Variants in DHX16 observed in about 807,000 individuals in gnomAD.
The protein encoded by DHX16 is DEAH-box helicase 16.
In DHX16, 81 loss-of-function variants were observed where a neutral mutation model predicts 131.2. That is an observed-to-expected ratio of 0.62 (90% CI 0.52 to 0.74). The LOEUF (loss-of-function observed/expected upper bound fraction) is 0.74, where lower values mean the gene tolerates loss of function less well. Among genes scored for constraint, DHX16 ranks in the 30% least tolerant of loss-of-function variants. The pLI is 0.00. For synonymous variants in DHX16, 440 were observed against 520.2 expected, an observed-to-expected ratio of 0.85 and a Z score of 2.10; for missense variants, 980 against 1,363.1, an observed-to-expected ratio of 0.72 and a Z score of 4.43.
chr6:30,654,625 T>C, intron 19 of DHX16, 81 bp downstream of exon 19: 1 of 1,397,258 alleles, frequency 7.2e-7, no homozygotes, highest in Non-Finnish European at 9.7e-7. Flanking sequence ...TCCCAGCAAC[T>C]TGAACCTGGG....
chr6:30,672,716 C>T lies in DHX16; in HGVS notation c.126G>A (p.Glu42=), dbSNP rs1288547249. 3 of 1,613,052 alleles carry T rather than the reference C, an allele frequency of 1.9e-6. No homozygotes were observed. Among genetic ancestry groups the T allele is most frequent in the Non-Finnish European group, 2.5e-6 (3 of 1,179,992 alleles). The part of the protein sequence containing the change: ...GTAQRCTSAE[E]FVQRLRDTDT... ...CAGTGTCTCGTAGGCGCTGCACGAA[C>T]TCCTCGGCAGAGGTGCAGCGCTGTG... Residue 42 remains glutamate (E), a synonymous_variant, in exon 1 of 20, where the codon GAG becomes GAA. Transcript: ENST00000376442.
Position 30,654,816 on chromosome 6 carries a change from T to C in DHX16, c.2887A>G (p.Lys963Glu). ...TGAATGAAGACTGTCTGCTGCTGTT[T>C]CACTGTGCGGTAGCCACTCCGAGTC... ...RLTRSGYRTV[K>E]QQQTVFIHPN... is the part of the protein sequence containing the mutation. The change falls in exon 19 of 20, where the codon AAA becomes GAA. Residue 963 changes from lysine to glutamate, a missense_variant. By Grantham distance (56) the Lys-to-Glu change is moderately conservative. This residue lies in a region of DHX16 where 214 missense variants were observed against 271.2 expected (regional missense o/e 0.79). Coordinates refer to ENST00000376442, the MANE Select transcript of DHX16 (RefSeq NM_003587.5). The C allele has an allele frequency of 6.2e-7, 1 of 1,613,012 alleles. No homozygotes were observed. The highest frequency in any genetic ancestry group is 1.1e-5 in the South Asian group (1 of 91,082).
intron 1 of DHX16, 98 bp downstream of exon 1, chr6:30,672,537 T>C: frequency 1.8e-6 from 2 of 1,125,622 alleles, no homozygotes; most frequent in South Asian, 2.9e-5. Context: ...GGACAAAGAA[T>C]AAGTGCTTGT....
chr6:30,669,142 G>A (rs898870398), intron 4 of DHX16, among the ~76,000 whole-genome samples: 4 of 151,732 alleles, frequency 2.6e-5, no homozygotes, highest in Non-Finnish European at 2.9e-5. Flanking sequence ...AAGTAAAAAC[G>A]GCCAGGCGTA....
intron 1 of DHX16, 52 bp from the exon 2 acceptor site, chr6:30,671,326 C>A (rs1393064418): frequency 1.3e-6 from 2 of 1,522,420 alleles, no homozygotes; most frequent in South Asian, 2.3e-5. Flanking sequence ...GATCTCTGCC[C>A]TCCCACTTAG....
chr6:30,655,580 T>A lies in DHX16; in HGVS notation c.2516A>T (p.Glu839Val). 6.2e-7 allele frequency: 1 copy of A among 1,613,046 alleles called. No individual in the cohort carries two copies. Among genetic ancestry groups the A allele is most frequent in the Non-Finnish European group, 8.5e-7 (1 of 1,180,028 alleles). Residue 839 changes from glutamate (E) to valine (V), a missense_variant, in exon 17 of 20, where the codon GAG becomes GTG. Transcript: ENST00000376442. ...LASEKYSCSE[E>V]ILTVAAMLSV... ...GAGCATGGCAGCCACTGTCAGGATC[T>A]CCTCTGAACAGCTGTACCTGGGACA...
At chr6:30,672,081 A>G (rs1179070086) in intron 1 of DHX16, among the ~76,000 whole-genome samples, 1 of 151,500 alleles carries the variant, frequency 6.6e-6, no homozygotes, top group Non-Finnish European at 1.5e-5. Flanking sequence ...GGGGGCTGAG[A>G]GAGGATTGCT....
intron 7 of DHX16, among the ~76,000 whole-genome samples, chr6:30,663,648 G>C (rs917438986): frequency 6.7e-6 from 1 of 150,292 alleles, no homozygotes; most frequent in Admixed American, 6.7e-5. Context: ...TTGAACCTGG[G>C]AGACAGAGGT....
In DHX16 at chr6:30,655,175, C is replaced by T; in HGVS notation, c.2823G>A (p.Lys941=). The T allele has an allele frequency of 1.1e-5, 17 of 1,614,146 alleles. No homozygotes were observed. The highest frequency in any genetic ancestry group is 1.4e-5 in the Non-Finnish European group (16 of 1,180,034). Residue 941 remains lysine (K), a splice_region_variant and synonymous_variant, in exon 18 of 20, where the codon AAG becomes AAA. Coordinates refer to ENST00000376442, the MANE Select transcript of DHX16 (RefSeq NM_003587.5). ...AGCAGGAGGCTGAAGAAATGCTGAC[C>T]TTGCGTACACGGATATAGTCCCCCT... ...SCQGDYIRVR[K]AITAGYFYHT...
In DHX16 at chr6:30,657,188, G is replaced by A. The variant is rs1446989107; in HGVS notation, c.2008-96C>T. ...AGTTAGGAGTAGTGAAGCAGTTGCA[G>A]TAAGGGGCAGGAGCTGAGGGAATTA... On this transcript the variant is annotated intron_variant, in intron 12 of 19. Coordinates refer to ENST00000376442, the MANE Select transcript of DHX16 (RefSeq NM_003587.5). 3 of 1,296,024 alleles carry A rather than the reference G, an allele frequency of 2.3e-6. No individual in the cohort carries two copies. In the East Asian group the frequency reaches 7.3e-5, roughly 31 times the overall value. The allele number at this position is 1,296,024 out of a possible 1,614,324, so 80.3% of individuals were successfully genotyped here. A position where few individuals can be genotyped will look rare whatever the true frequency, so the allele number is the denominator to read the frequency against.
chr6:30,671,064 C>A lies in DHX16; in HGVS notation c.418G>T (p.Ala140Ser). Residue 140 changes from alanine (A) to serine (S), a missense_variant, in exon 2 of 20, where the codon GCT (alanine) becomes TCT (serine). Ala to Ser is a moderately conservative substitution (Grantham distance 99). Coordinates refer to ENST00000376442, the MANE Select transcript of DHX16 (RefSeq NM_003587.5). Reference sequence around the variant, plus strand: ...GTTTTCTTCTTCCCTTTCTCAGAAGCCTCTTCCTCCTCTTCTTCCTCACGC... The same window carrying A: ...GTTTTCTTCTTCCCTTTCTCAGAAGACTCTTCCTCCTCTTCTTCCTCACGC... ...KKREEEEEEE[A>S]SEKGKKKTGG... The A allele has an allele frequency of 6.2e-7, 1 of 1,613,088 alleles. No homozygotes were observed. Among genetic ancestry groups the A allele is most frequent in the Non-Finnish European group, 8.5e-7 (1 of 1,180,034 alleles).
intron 12 of DHX16, among the ~76,000 whole-genome samples, chr6:30,657,668 A>G (rs1053117497): frequency 2.6e-5 from 4 of 152,026 alleles, no homozygotes; most frequent in Non-Finnish European, 4.4e-5. Flanking sequence ...GCTCTGCCCA[A>G]GTAAGTGCAC....
At position 30,655,527 on chromosome 6, in the gene DHX16, G is replaced by C; in HGVS notation, c.2569C>G (p.Pro857Ala). 6.2e-7 allele frequency: 1 copy of C among 1,613,104 alleles called. No homozygotes were observed. The highest frequency in any genetic ancestry group is 8.5e-7 in the Non-Finnish European group (1 of 1,180,038). The change falls in exon 17 of 20, where the codon CCA becomes GCA. Residue 857 changes from proline (P) to alanine (A), a missense_variant. Around this residue, in one of 3 missense-constraint regions of DHX16, gnomAD observed 214 missense variants for 271.2 expected, o/e 0.79. Transcript: ENST00000376442. ...LSVNNSIFYR[P>A]KDKVVHADNA... ...TCAGCATGGACGACCTTGTCCTTTG[G>C]TCGGTAGAAGATGGAGTTGTTGACA... is the stretch of plus-strand genomic sequence containing the variant.
chr6:30,654,460 G>C (rs1052285310), intron 19 of DHX16, among the ~76,000 whole-genome samples: 3 of 152,026 alleles, frequency 2.0e-5, no homozygotes, highest in Non-Finnish European at 4.4e-5. Flanking sequence ...TGAGGCATGA[G>C]AATCTCTTGA....
intron 1 of DHX16, among the ~76,000 whole-genome samples, 159 bp from the exon 2 acceptor site, chr6:30,671,433 C>G (rs989359620): frequency 3.3e-5 from 5 of 152,180 alleles, no homozygotes; most frequent in Admixed American, 2.6e-4. Flanking sequence ...CTTCAACCTC[C>G]GCCTCCCAGG....
rs770399857 is a variant in DHX16 at position 30,665,701 on chromosome 6, C to T, written c.699G>A (p.Glu233=). The T allele has an allele frequency of 1.9e-6, 3 of 1,611,530 alleles. No individual in the cohort carries two copies. The East Asian group carries it at 6.7e-5, about 36-fold the overall frequency. Residue 233 remains glutamate (E), a synonymous_variant, in exon 5 of 20, where the codon GAG becomes GAA. Coordinates refer to ENST00000376442, the MANE Select transcript of DHX16 (RefSeq NM_003587.5). The surrounding 1 kb of genome is among the most constrained non-coding windows in gnomAD (Gnocchi z 4.8). The stretch of plus-strand genomic sequence containing the variant: ...TCTCTCGCTCCCGCTTAGCCAGGTA[C>T]TCTCGGCGAGATTTCTTCCGCAGCT... ...VPELRKKSRR[E]YLAKREREKL...
In DHX16 at chr6:30,655,195, C is replaced by G. The variant is rs1369462385; in HGVS notation, c.2803G>C (p.Asp935His). The G allele has an allele frequency of 6.2e-7, 1 of 1,614,110 alleles. No homozygotes were observed. Among genetic ancestry groups the G allele is most frequent in the Non-Finnish European group, 8.5e-7 (1 of 1,180,024 alleles). ...CTGACCTTGCGTACACGGATATAGT[C>G]CCCCTGGCAGGAACTGAGACCAACT... ...VEVGLSSCQGDYIRVRKAITA... is the reference protein window; with the variant it reads ...VEVGLSSCQGHYIRVRKAITA... Residue 935 changes from aspartate (D) to histidine (H), a missense_variant, in exon 18 of 20, where the codon GAC (aspartate) becomes CAC (histidine). Physicochemically the swap from Asp to His is moderately conservative, Grantham distance 81. This residue lies in a region of DHX16 where 214 missense variants were observed against 271.2 expected (regional missense o/e 0.79). Coordinates refer to ENST00000376442, the MANE Select transcript of DHX16 (RefSeq NM_003587.5).
Position 30,672,794 on chromosome 6 carries a change from G to A in DHX16, c.48C>T (p.His16=). 3 of 1,612,986 alleles carry A rather than the reference G, an allele frequency of 1.9e-6. No homozygotes were observed. Among genetic ancestry groups the A allele is most frequent in the African/African-American group, 1.3e-5 (1 of 75,066 alleles). Residue 16 remains histidine, a synonymous_variant, in exon 1 of 20, where the codon CAC becomes CAT. Transcript: ENST00000376442. The part of the protein sequence containing the change: ...GLERWVQDEL[H]SVLGLSERHV... ...GCCGCTCGCTCAGCCCCAACACCGA[G>A]TGCAGCTCGTCCTGAACCCAGCGCT...
In DHX16 at chr6:30,655,609, AG is replaced by A. The variant is rs1561968504; in HGVS notation, c.2499-13del. 1 of 1,612,998 alleles carries A rather than the reference AG, an allele frequency of 6.2e-7. No individual in the cohort carries two copies. The highest frequency in any genetic ancestry group is 8.5e-7 in the Non-Finnish European group (1 of 1,179,944). ...CTGAACAGCTGTACCTGGGACAGGA[AG>A]GGGAAAGCATGAGTTCAAAGCAAGA... On this transcript the variant is annotated splice_polypyrimidine_tract_variant and intron_variant, in intron 16 of 19. Transcript: ENST00000376442.
Sources: gnomAD v4.1 joint callset for allele counts (sites outside exome capture counted in the v4.1 genomes callset) on GRCh38, gnomAD v4.1.1 for gene constraint, gnomAD v4.1.1 regional missense constraint, Gnocchi (gnomAD v3.1) non-coding constraint, MANE v1.5 for transcripts, NCBI Gene and HGNC (gene_info 2026-07-23, HGNC 2026-07-21) for gene names.